SEMA6A: variants seen among roughly 807,000 people sequenced by gnomAD.
SEMA6A encodes semaphorin 6A.
In SEMA6A, 25 loss-of-function variants were observed where a neutral mutation model predicts 96.8. The ratio of observed to expected loss-of-function variants is 0.26; its 90% CI spans 0.19 to 0.36. SEMA6A has a LOEUF of 0.36. Among genes scored for constraint, SEMA6A ranks in the 10% least tolerant of loss-of-function variants. The probability of loss-of-function intolerance (pLI) is 1.00; values close to 1 mark genes in which losing one functional copy is unlikely to be tolerated. For synonymous variants in SEMA6A, 612 were observed against 518.0 expected (o/e 1.18, Z -2.46); for missense variants, 1,363 against 1,323.1 (o/e 1.03, Z -0.47).
At chr5:116,470,863 T>C (rs1289394453) in intron 17 of SEMA6A, among the ~76,000 whole-genome samples, 5 of 152,216 alleles carry the variant, frequency 3.3e-5, no homozygotes, top group Non-Finnish European at 7.3e-5. Context: ...ATTGGCTTTC[T>C]TGTCTATATC....
At chr5:116,545,448 T>C (rs1322531114) in intron 1 of SEMA6A, among the ~76,000 whole-genome samples, 2 of 152,188 alleles carry the variant, frequency 1.3e-5, no homozygotes, top group Middle Eastern at 3.4e-3. Flanking sequence ...CAGGCACCTG[T>C]AATCCCAGCT....
At chr5:116,573,791 A>G (rs1761343220) in intron 1 of SEMA6A, among the ~76,000 whole-genome samples, 1 of 152,014 alleles carries the variant, frequency 6.6e-6, no homozygotes, top group Non-Finnish European at 1.5e-5. Flanking sequence ...ACACCGGGCC[A>G]GGGAGCTTCC....
Position 116,486,848 on chromosome 5 carries a change from T to G in SEMA6A, c.863A>C (p.Asp288Ala), listed in dbSNP as rs773221955. 3 of 1,612,642 alleles carry G rather than the reference T, an allele frequency of 1.9e-6. No individual in the cohort carries two copies. Among genetic ancestry groups the G allele is most frequent in the Non-Finnish European group, 2.5e-6 (3 of 1,179,538 alleles). ...GAGAATGTTGAAATAAAAATGAGAGTCTCCAGGAACTGAGCAGTTCAAGCG... is the reference window on the plus strand; with the variant it reads ...GAGAATGTTGAAATAAAAATGAGAGGCTCCAGGAACTGAGCAGTTCAAGCG... Reference protein sequence around the residue: ...KARLNCSVPGDSHFYFNILQA... With the variant: ...KARLNCSVPGASHFYFNILQA... The change falls in exon 10 of 19, where the codon GAC becomes GCC. Residue 288 changes from aspartate (D) to alanine (A), a missense_variant. Asp to Ala is a moderately radical substitution (Grantham distance 126). Around this residue, in one of 2 missense-constraint regions of SEMA6A, gnomAD observed 480 missense variants for 559.5 expected, o/e 0.86. Coordinates refer to ENST00000343348, the MANE Select transcript of SEMA6A (RefSeq NM_020796.5).
At chr5:116,508,827 C>T (rs1420038320) in intron 1 of SEMA6A, among the ~76,000 whole-genome samples, 7 of 152,174 alleles carry the variant, frequency 4.6e-5, no homozygotes, top group African/African-American at 1.7e-4. Context: ...GCCTTCCTTA[C>T]CCATTAACCT....
chr5:116,477,818 A>G lies in SEMA6A; in HGVS notation c.1649+28T>C, dbSNP rs781236115. Reference sequence around the variant, plus strand: ...ATACACCTTGGCTGGAAGCCACTTCACCCTCTCCCACACCTCAGGCTGCCT... The same window carrying G: ...ATACACCTTGGCTGGAAGCCACTTCGCCCTCTCCCACACCTCAGGCTGCCT... On this transcript the variant is annotated intron_variant, in intron 15 of 18. Transcript: ENST00000343348. 2.4e-5 allele frequency: 39 copies of G among 1,610,520 alleles called. No homozygotes were observed. In the Admixed American group the frequency reaches 3.5e-4, roughly 14 times the overall value.
intron 1 of SEMA6A, among the ~76,000 whole-genome samples, chr5:116,542,511 G>C (rs894153268): frequency 7.2e-5 from 11 of 152,082 alleles, no homozygotes; most frequent in Admixed American, 2.0e-4. Flanking sequence ...TTTCTTCCCT[G>C]TCATTTACTT....
intron 2 of SEMA6A, 94 bp from the exon 3 acceptor site, chr5:116,502,421 C>A (rs54100): frequency 9.9e-7 from 1 of 1,007,072 alleles, no homozygotes; most frequent in African/African-American, 1.6e-5. Flanking sequence ...ACAAAAGAAA[C>A]CCGTGTTTAA....
intron 1 of SEMA6A, among the ~76,000 whole-genome samples, chr5:116,561,409 C>A (rs1268917413): frequency 6.6e-6 from 1 of 152,192 alleles, no homozygotes; most frequent in East Asian, 1.9e-4. Flanking sequence ...TCTATTCTCT[C>A]CCCAACAAGG....
chr5:116,515,339 C>G (rs1758618892), intron 1 of SEMA6A, among the ~76,000 whole-genome samples: 1 of 152,032 alleles, frequency 6.6e-6, no homozygotes, highest in African/African-American at 2.4e-5. Flanking sequence ...AAGAATATGA[C>G]AGAGAAGAAG....
At chr5:116,481,520 T>C (rs1008703186) in intron 11 of SEMA6A, among the ~76,000 whole-genome samples, 2 of 152,202 alleles carry the variant, frequency 1.3e-5, no homozygotes, top group African/African-American at 4.8e-5. Context: ...AGTTAGTTCA[T>C]GTAAGTGTAC....
chr5:116,526,463 T>A, intron 1 of SEMA6A, among the ~76,000 whole-genome samples: 1 of 152,200 alleles, frequency 6.6e-6, no homozygotes, highest in East Asian at 1.9e-4. Flanking sequence ...GGCAAATGAA[T>A]GTTTGATTGG....
At chr5:116,562,781 A>T (rs1190992100) in intron 1 of SEMA6A, 2 of 731,612 alleles carry the variant, frequency 2.7e-6, no homozygotes, top group Admixed American at 3.5e-5. Flanking sequence ...ATATGCTGCT[A>T]TGTTGGCTGC....
chr5:116,539,376 C>T (rs570737613), intron 1 of SEMA6A, among the ~76,000 whole-genome samples: 22 of 152,138 alleles, frequency 1.4e-4, no homozygotes, highest in Non-Finnish European at 2.6e-4. Flanking sequence ...CATAATCTGA[C>T]GTGCTATGAA....
chr5:116,453,955 C>A (rs1754816925), intron 18 of SEMA6A, among the ~76,000 whole-genome samples: 1 of 152,034 alleles, frequency 6.6e-6, no homozygotes, highest in African/African-American at 2.4e-5. Flanking sequence ...CTCTACTCAC[C>A]CCCACCCCAA....
Position 116,478,077 on chromosome 5 carries a change from G to T in SEMA6A, c.1505C>A (p.Ala502Glu). 1 of 1,613,920 alleles carries T rather than the reference G, an allele frequency of 6.2e-7. No homozygotes were observed. Among genetic ancestry groups the T allele is most frequent in the Non-Finnish European group, 8.5e-7 (1 of 1,179,856 alleles). The change falls in exon 14 of 19, where the codon GCG (alanine) becomes GAG (glutamate). Residue 502 changes from alanine to glutamate, a missense_variant. This residue lies in a region of SEMA6A where 883 missense variants were observed against 763.6 expected (regional missense o/e 1.16). Transcript: ENST00000343348. ...LDRASSSLYV[A>E]FSTCVIKVPL... ...AACCTTTATCACACAGGTAGAGAAC[G>T]CAACATACAGAGAGCTGCTTGCTCT...
chr5:116,506,016 G>A (rs1758128653), intron 1 of SEMA6A, among the ~76,000 whole-genome samples: 1 of 152,144 alleles, frequency 6.6e-6, no homozygotes, highest in South Asian at 2.1e-4. Flanking sequence ...ACTCTTTGAA[G>A]TACCTGCCAA....
intron 1 of SEMA6A, among the ~76,000 whole-genome samples, chr5:116,542,991 A>G (rs1760037444): frequency 6.6e-6 from 1 of 152,222 alleles, no homozygotes; most frequent in Non-Finnish European, 1.5e-5. Context: ...TTCTGTAAGT[A>G]CATATATTTG....
intron 1 of SEMA6A, among the ~76,000 whole-genome samples, chr5:116,548,649 G>A (rs1760282519): frequency 1.3e-5 from 2 of 152,102 alleles, no homozygotes. Flanking sequence ...TTTCCAATGG[G>A]AAAATTGAGG....
At chr5:116,457,259 A>G (rs1412504734) in intron 18 of SEMA6A, among the ~76,000 whole-genome samples, 2 of 152,194 alleles carry the variant, frequency 1.3e-5, no homozygotes, top group Non-Finnish European at 2.9e-5. Flanking sequence ...TCTATTATTT[A>G]TGAATAACAA....
Sources: gnomAD v4.1 joint callset for allele counts (sites outside exome capture counted in the v4.1 genomes callset) on GRCh38, gnomAD v4.1.1 for gene constraint, gnomAD v4.1.1 regional missense constraint, MANE v1.5 for transcripts, NCBI Gene and HGNC (gene_info 2026-07-23, HGNC 2026-07-21) for gene names.